The following GNG4 variants were observed in gnomAD, a reference collection of about 807,000 sequenced individuals.
The protein encoded by GNG4 is G protein subunit gamma 4.
GNG4 carries 4 observed loss-of-function variants against 5.8 expected under a neutral mutation model. The ratio of observed to expected loss-of-function variants is 0.69; its 90% confidence interval spans 0.34 to 1.57. The LOEUF (loss-of-function observed/expected upper bound fraction) is 1.57. GNG4 is among the 40% of genes most tolerant of loss of function. The probability of loss-of-function intolerance (pLI) is 0.06; values close to 1 mark genes in which losing one functional copy is unlikely to be tolerated. For synonymous variants in GNG4, 29 were observed against 32.9 expected (o/e 0.88, Z 0.41); for missense variants, 96 against 95.1 (o/e 1.01, Z -0.04).
intron 1 of GNG4, among the ~76,000 whole-genome samples, chr1:235,611,662 AG>A (rs1401963878): frequency 5.9e-5 from 9 of 152,170 alleles, no homozygotes. Context: ...ATATTTGAGA[AG>A]GGGGAAAGAG....
At chr1:235,553,958 G>A (rs141486655) in intron 3 of GNG4, among the ~76,000 whole-genome samples, 3 of 152,152 alleles carry the variant, frequency 2.0e-5, no homozygotes, top group African/African-American at 4.8e-5. Flanking sequence ...TCCTAAAAAC[G>A]TGTATGTTGA....
chr1:235,558,432 G>A (rs1006305212), intron 3 of GNG4, among the ~76,000 whole-genome samples: 1 of 152,178 alleles, frequency 6.6e-6, no homozygotes, highest in Non-Finnish European at 1.5e-5. Context: ...AATGTGATCT[G>A]AAAAGATAAA....
At chr1:235,650,497 C>T (rs1342177083), upstream of GNG4, 1 of 152,370 alleles carries the variant, frequency 6.6e-6, no homozygotes, top group Non-Finnish European at 1.5e-5. Flanking sequence ...CACCAAGGGA[C>T]GCCTCGGAAG....
chr1:235,586,584 C>T (rs895071977), intron 2 of GNG4, among the ~76,000 whole-genome samples: 20 of 152,178 alleles, frequency 1.3e-4, no homozygotes, highest in East Asian at 9.6e-4. Flanking sequence ...GGTACTGGAT[C>T]ACGGGGCCAG....
intron 1 of GNG4, among the ~76,000 whole-genome samples, chr1:235,643,248 T>G (rs1227746598): frequency 6.6e-6 from 1 of 152,112 alleles, no homozygotes; most frequent in Non-Finnish European, 1.5e-5. Flanking sequence ...CTCTCTCCAC[T>G]CCTCTTTCAT....
At chr1:235,610,220 G>A (rs1688451646) in intron 1 of GNG4, among the ~76,000 whole-genome samples, 2 of 152,150 alleles carry the variant, frequency 1.3e-5, no homozygotes, top group South Asian at 4.2e-4. Flanking sequence ...CCCTCAATTC[G>A]GGCTTCTTTT....
At chr1:235,604,079 T>C (rs564445835) in intron 1 of GNG4, among the ~76,000 whole-genome samples, 2 of 152,316 alleles carry the variant, frequency 1.3e-5, no homozygotes, top group East Asian at 3.9e-4. Context: ...GTTAGAAGTT[T>C]ACTCGTGGCC....
chr1:235,608,282 T>G (rs1050505790), intron 1 of GNG4, among the ~76,000 whole-genome samples: 1 of 152,132 alleles, frequency 6.6e-6, no homozygotes, highest in South Asian at 2.1e-4. Context: ...GCCAACTATG[T>G]TTTATCACTT....
intron 1 of GNG4, among the ~76,000 whole-genome samples, chr1:235,640,711 C>G (rs1003014847): frequency 6.6e-6 from 1 of 152,236 alleles, no homozygotes. Context: ...ACCAGACCTT[C>G]GGACCTGAGG....
At chr1:235,597,543 AG>A (rs948419781) in intron 1 of GNG4, among the ~76,000 whole-genome samples, 35 of 148,036 alleles carry the variant, frequency 2.4e-4, no homozygotes, top group African/African-American at 8.8e-4. Flanking sequence ...ACAGAGATCC[AG>A]GAATGCTTTA....
chr1:235,600,698 C>T (rs1258896199), intron 1 of GNG4, among the ~76,000 whole-genome samples: 1 of 152,234 alleles, frequency 6.6e-6, no homozygotes, highest in Non-Finnish European at 1.5e-5. Flanking sequence ...ATTGGGATTA[C>T]AGGCATGAGC....
chr1:235,642,887 CCT>C lies in GNG4; in HGVS notation c.-123+6773_-123+6774del, dbSNP rs1404120767. 3.3e-5 allele frequency among the ~76,000 whole-genome samples: 5 copies of C among 152,062 alleles called. No homozygotes were observed. The highest frequency in any genetic ancestry group is 1.2e-4 in the African/African-American group (5 of 41,426). ...CCTCCTGACTTGGCAAGTCATACAC[CCT>C]CTCTCTACTTGCCCAGCTTCATTCA... On this transcript the variant is annotated intron_variant, in intron 1 of 3. Coordinates refer to ENST00000391854, the MANE Select transcript of GNG4 (RefSeq NM_001098722.2). This position sits in a 1 kb window ranked among gnomAD's most constrained non-coding sequence, Gnocchi z 4.3.
chr1:235,634,293 A>T (rs1688987064), intron 1 of GNG4, among the ~76,000 whole-genome samples: 1 of 152,210 alleles, frequency 6.6e-6, no homozygotes, highest in Admixed American at 6.5e-5. Context: ...TATTAGCAAA[A>T]GCATGGAAAT....
intron 3 of GNG4, among the ~76,000 whole-genome samples, chr1:235,579,419 A>AACT (rs71174443): frequency 6.7e-6 from 1 of 149,542 alleles, no homozygotes; most frequent in Non-Finnish European, 1.5e-5. Flanking sequence ...TAAAAAAAAA[A>AACT]AAGTAAATAC....
At chr1:235,599,156 G>T (rs1347117186) in intron 1 of GNG4, among the ~76,000 whole-genome samples, 5 of 152,170 alleles carry the variant, frequency 3.3e-5, no homozygotes, top group Non-Finnish European at 7.4e-5. Flanking sequence ...AACAGGACTG[G>T]CTGGGACCTC....
chr1:235,574,014 T>C (rs962264450), intron 3 of GNG4, among the ~76,000 whole-genome samples: 3 of 152,148 alleles, frequency 2.0e-5, no homozygotes, highest in East Asian at 3.9e-4. Context: ...AAAACAAATA[T>C]AGATGGAAAA....
chr1:235,626,892 G>A (rs775904574), intron 1 of GNG4, among the ~76,000 whole-genome samples: 14 of 145,044 alleles, frequency 9.7e-5, no homozygotes, highest in Non-Finnish European at 2.1e-4. Context: ...CCAGGAGGTG[G>A]AGTTTGCAGT....
At chr1:235,576,121 C>G (rs867356670) in intron 3 of GNG4, among the ~76,000 whole-genome samples, 2 of 145,018 alleles carry the variant, frequency 1.4e-5, no homozygotes, top group South Asian at 2.2e-4. Flanking sequence ...AGTGCAGTGG[C>G]GTGATCTGGG....
In GNG4 at chr1:235,559,078, T is replaced by C. The variant is rs147523070; in HGVS notation, c.100-6841A>G. 1.4e-3 allele frequency among the ~76,000 whole-genome samples: 206 copies of C among 152,316 alleles called. 2 individuals are homozygous for C. Among genetic ancestry groups the C allele is most frequent in the African/African-American group, 4.7e-3 (196 of 41,580 alleles). ...TATTGTGGCTGTGACACCCACTGCA[T>C]TTATCCTTTGCATCTGAAGTAGACA... On this transcript the variant is annotated intron_variant, in intron 3 of 3. Transcript: ENST00000391854.
Sources: gnomAD v4.1 joint callset for allele counts (sites outside exome capture counted in the v4.1 genomes callset) on GRCh38, gnomAD v4.1.1 for gene constraint, Gnocchi (gnomAD v3.1) non-coding constraint, MANE v1.5 for transcripts, NCBI Gene and HGNC (gene_info 2026-07-23, HGNC 2026-07-21) for gene names.